IL26: variants seen among roughly 807,000 people sequenced by gnomAD.
The protein encoded by IL26 is interleukin-26.
In IL26, 23 loss-of-function variants were observed where a neutral mutation model predicts 21.7. The ratio of observed to expected loss-of-function variants is 1.06; its 90% confidence interval spans 0.76 to 1.50. The LOEUF is 1.50. Among genes scored for constraint, IL26 ranks in the 40% most tolerant of loss-of-function variants. The pLI is 0.00. For missense variants in IL26, 204 were observed against 196.0 expected, an observed-to-expected ratio of 1.04 and a Z score of -0.24; for synonymous variants, 63 against 67.8, an observed-to-expected ratio of 0.93 and a Z score of 0.34.
intron 3 of IL26, among the ~76,000 whole-genome samples, chr12:68,215,941 C>T (rs1565738600): frequency 6.6e-6 from 1 of 151,476 alleles, no homozygotes; most frequent in Non-Finnish European, 1.5e-5. Context: ...ACCTCAGCCT[C>T]CCAAAGTGCT....
intron 3 of IL26, among the ~76,000 whole-genome samples, chr12:68,223,297 G>A (rs982198517): frequency 6.6e-6 from 1 of 152,110 alleles, no homozygotes; most frequent in Admixed American, 6.6e-5. Context: ...ATGAGATGAT[G>A]TGTTCGTATT....
intron 3 of IL26, among the ~76,000 whole-genome samples, chr12:68,207,818 T>C (rs1868584860): frequency 6.6e-6 from 1 of 152,214 alleles, no homozygotes; most frequent in Admixed American, 6.5e-5. Flanking sequence ...ACATTTTAAC[T>C]TTTTATAATA....
At chr12:68,224,746 A>T (rs544744818) in intron 3 of IL26, among the ~76,000 whole-genome samples, 10 of 141,444 alleles carry the variant, frequency 7.1e-5, no homozygotes, top group Non-Finnish European at 1.6e-4. Flanking sequence ...GGAGGGAAGA[A>T]GGGAGAGAGG....
At chr12:68,213,502 C>T (rs540797896) in intron 3 of IL26, among the ~76,000 whole-genome samples, 3 of 151,970 alleles carry the variant, frequency 2.0e-5, no homozygotes, top group Non-Finnish European at 4.4e-5. Context: ...TCCATTATGT[C>T]CTGGGTTTAC....
At chr12:68,225,034 G>T in intron 3 of IL26, 115 bp downstream of exon 3, 1 of 1,040,992 alleles carries the variant, frequency 9.6e-7, no homozygotes, top group Non-Finnish European at 1.4e-6. Context: ...TGGACTACAA[G>T]CCAACAATTA....
At chr12:68,202,324 C>T (rs1024767180) in intron 3 of IL26, among the ~76,000 whole-genome samples, 3 of 152,182 alleles carry the variant, frequency 2.0e-5, no homozygotes, top group African/African-American at 4.8e-5. Context: ...TAGCAACTCT[C>T]GAAACTCTAT....
intron 3 of IL26, among the ~76,000 whole-genome samples, chr12:68,220,378 C>A (rs923445105): frequency 6.6e-6 from 1 of 152,018 alleles, no homozygotes; most frequent in Non-Finnish European, 1.5e-5. Flanking sequence ...CCCAGAAATG[C>A]AAGATTGGTT....
chr12:68,206,244 T>C (rs1230652318), intron 3 of IL26, among the ~76,000 whole-genome samples: 1 of 152,250 alleles, frequency 6.6e-6, no homozygotes, highest in Non-Finnish European at 1.5e-5. Flanking sequence ...TTGATGATGT[T>C]CCCTCCATTG....
intron 3 of IL26, among the ~76,000 whole-genome samples, chr12:68,204,306 GC>G (rs1868472702): frequency 1.3e-5 from 2 of 151,926 alleles, no homozygotes; most frequent in Non-Finnish European, 2.9e-5. Flanking sequence ...ACCACGCCCG[GC>G]TGATTTTTTG....
At chr12:68,215,739 C>G (rs1265956417) in intron 3 of IL26, among the ~76,000 whole-genome samples, 1 of 152,096 alleles carries the variant, frequency 6.6e-6, no homozygotes, top group Non-Finnish European at 1.5e-5. Context: ...GCAATCTTGA[C>G]GCATTGCAAT....
intron 3 of IL26, among the ~76,000 whole-genome samples, chr12:68,217,301 T>C (rs1022127037): frequency 1.3e-5 from 2 of 152,128 alleles, no homozygotes; most frequent in Non-Finnish European, 2.9e-5. Context: ...GAAAACGGAC[T>C]TGCAAGGAAG....
intron 3 of IL26, among the ~76,000 whole-genome samples, chr12:68,206,532 G>A (rs1319073678): frequency 6.6e-6 from 1 of 152,164 alleles, no homozygotes; most frequent in Non-Finnish European, 1.5e-5. Context: ...ATAAAAAAAT[G>A]TTCTCATTTT....
In IL26 at chr12:68,225,628, G is replaced by A. The variant is rs572120709; in HGVS notation, c.129C>T (p.Asp43=). 1.1e-5 allele frequency: 18 copies of A among 1,614,026 alleles called. No homozygotes were observed. Among genetic ancestry groups the A allele is most frequent in the South Asian group, 2.2e-5 (2 of 91,086 alleles). ...YPRGTLSQAV[D]ALYIKAAWLK... ...GCCATGCTGCTTTGATATAGAGAGC[G>A]TCAACAGCTTGGGACAATGTTCCCC... The change falls in exon 1 of 5, where the codon GAC becomes GAT. Residue 43 remains aspartate, a synonymous_variant. Transcript: ENST00000229134.
chr12:68,224,266 C>G (rs1869160780), intron 3 of IL26, among the ~76,000 whole-genome samples: 1 of 151,600 alleles, frequency 6.6e-6, no homozygotes, highest in Non-Finnish European at 1.5e-5. Flanking sequence ...ACTAACATTG[C>G]ACAGATTCTG....
intron 3 of IL26, among the ~76,000 whole-genome samples, chr12:68,208,382 G>GC (rs1329775194): frequency 2.0e-5 from 3 of 152,276 alleles, no homozygotes; most frequent in African/African-American, 7.2e-5. Flanking sequence ...CCAAGTTATG[G>GC]CCCCGAACCT....
intron 3 of IL26, among the ~76,000 whole-genome samples, chr12:68,218,247 A>G (rs924399005): frequency 6.6e-6 from 1 of 152,102 alleles, no homozygotes; most frequent in Admixed American, 6.5e-5. Context: ...GAAAAAAATC[A>G]ATCAATTGAA....
intron 3 of IL26, among the ~76,000 whole-genome samples, chr12:68,208,518 G>A (rs1868609774): frequency 6.6e-6 from 1 of 151,892 alleles, no homozygotes; most frequent in Non-Finnish European, 1.5e-5. Context: ...TTTTTCTTGA[G>A]ACGGAGTTTC....
At chr12:68,225,528 G>C (rs1869219132) in intron 1 of IL26, 28 bp from the exon 2 acceptor site, 1 of 1,599,414 alleles carries the variant, frequency 6.3e-7, no homozygotes, top group Non-Finnish European at 8.6e-7. Flanking sequence ...GAAATAAGTT[G>C]TATCCAAGAT....
intron 2 of IL26, 77 bp downstream of exon 2, chr12:68,225,367 G>A (rs1327888806): frequency 2.0e-6 from 3 of 1,526,060 alleles, no homozygotes; most frequent in Non-Finnish European, 2.7e-6. Context: ...ATTACTCTCT[G>A]AAAAAAATTT....
Sources: gnomAD v4.1 joint callset for allele counts (sites outside exome capture counted in the v4.1 genomes callset) on GRCh38, gnomAD v4.1.1 for gene constraint, MANE v1.5 for transcripts, NCBI Gene and HGNC (gene_info 2026-07-23, HGNC 2026-07-21) for gene names.